Variants in PBX3 observed in about 807,000 individuals in gnomAD.
PBX3 encodes the protein PBX homeobox 3.
A neutral mutation model predicts 48.5 loss-of-function variants in PBX3; 14 were observed. The observed-to-expected ratio is 0.29, with a 90% confidence interval of 0.19 to 0.45. PBX3 has a LOEUF of 0.45. Ranked by LOEUF, PBX3 falls within the 20% of genes least tolerant of loss-of-function variation. PBX3 has a pLI of 1.00. For synonymous variants in PBX3, 210 were observed against 200.3 expected (o/e 1.05, Z -0.41); for missense variants, 386 against 546.7 (o/e 0.71, Z 2.93).
intron 2 of PBX3, among the ~76,000 whole-genome samples, chr9:125,858,940 C>G (rs1564142761): frequency 6.6e-6 from 1 of 152,018 alleles, no homozygotes; most frequent in Non-Finnish European, 1.5e-5. Flanking sequence ...TTGGCCCATT[C>G]TTTTAATTAT....
At chr9:125,910,685 A>G (rs566167054) in intron 2 of PBX3, among the ~76,000 whole-genome samples, 1 of 151,486 alleles carries the variant, frequency 6.6e-6, no homozygotes, top group East Asian at 1.9e-4. Context: ...TGGATTAGAC[A>G]CTAACATTGG....
chr9:125,768,655 CAT>C (rs1299899361), intron 2 of PBX3, among the ~76,000 whole-genome samples: 1 of 152,134 alleles, frequency 6.6e-6, no homozygotes, highest in African/African-American at 2.4e-5. Context: ...ACTGGATTCT[CAT>C]ATCTGCCTTT....
intron 2 of PBX3, among the ~76,000 whole-genome samples, chr9:125,777,169 G>A (rs1318279612): frequency 6.6e-6 from 1 of 151,842 alleles, no homozygotes; most frequent in East Asian, 1.9e-4. Context: ...GTGCCACCAT[G>A]CCTAGCTAAT....
At chr9:125,866,668 T>A (rs1304904447) in intron 2 of PBX3, among the ~76,000 whole-genome samples, 1 of 152,218 alleles carries the variant, frequency 6.6e-6, no homozygotes, top group Non-Finnish European at 1.5e-5. Context: ...TTTTTCAGCT[T>A]CTATATCTCG....
rs115223824 is a variant in PBX3, at chr9:125,808,897, T to G, written c.274+60274T>G. Reference sequence around the variant, plus strand: ...AGCCAACAGCACTGTAACTCATGTCTTAACGAAGTTTATCTAACACATATT... The same window carrying G: ...AGCCAACAGCACTGTAACTCATGTCGTAACGAAGTTTATCTAACACATATT... On this transcript the variant is annotated intron_variant, in intron 2 of 8. Coordinates refer to ENST00000373489, the MANE Select transcript of PBX3 (RefSeq NM_006195.6). Among the ~76,000 whole-genome samples the G allele has an allele frequency of 3.9e-3, 593 of 152,330 alleles. 5 individuals are homozygous for G. The highest frequency in any genetic ancestry group is 0.013 in the African/African-American group (556 of 41,568).
At chr9:125,802,359 ATTTTTTTTTT>A (rs57805307) in intron 2 of PBX3, among the ~76,000 whole-genome samples, 15 of 67,762 alleles carry the variant, frequency 2.2e-4, no homozygotes, top group East Asian at 4.2e-4. Context: ...ACATTAGTGC[ATTTTTTTTTT>A]TTTTTTTTTT....
chr9:125,777,178 A>T (rs906093183), intron 2 of PBX3, among the ~76,000 whole-genome samples: 1 of 150,334 alleles, frequency 6.7e-6, no homozygotes, highest in South Asian at 2.1e-4. Context: ...TGCCTAGCTA[A>T]TTTTTTTGTA....
intron 2 of PBX3, among the ~76,000 whole-genome samples, chr9:125,857,970 C>A (rs1041540211): frequency 6.6e-6 from 1 of 152,114 alleles, no homozygotes; most frequent in Non-Finnish European, 1.5e-5. Flanking sequence ...GTAAGGCTGC[C>A]CTTAGCTTGT....
At chr9:125,943,164 C>G (rs552182913) in intron 5 of PBX3, among the ~76,000 whole-genome samples, 2 of 151,688 alleles carry the variant, frequency 1.3e-5, no homozygotes, top group African/African-American at 2.4e-5. Flanking sequence ...CTCAGGAGTT[C>G]AAGACCACCT....
chr9:125,966,493 A>G lies in PBX3; in HGVS notation c.*570A>G, dbSNP rs544015901. 1 of 152,790 alleles carries G rather than the reference A, an allele frequency of 6.5e-6. No individual in the cohort carries two copies. Among genetic ancestry groups the G allele is most frequent in the South Asian group, 2.1e-4 (1 of 4,824 alleles). The allele number at this position is 152,790 out of a possible 1,614,324, so 9.5% of individuals were successfully genotyped here. ...TATAATTAGATCAGAGACTGGTAGC[A>G]TCGTTTCTCTCTCTGAAAGCACCAG... is the stretch of plus-strand genomic sequence containing the variant. On this transcript the variant is annotated 3_prime_UTR_variant, in exon 9 of 9. Coordinates refer to ENST00000373489, the MANE Select transcript of PBX3 (RefSeq NM_006195.6).
intron 2 of PBX3, among the ~76,000 whole-genome samples, chr9:125,771,545 G>C (rs1200119620): frequency 6.6e-6 from 1 of 152,072 alleles, no homozygotes; most frequent in African/African-American, 2.4e-5. Context: ...AAATAATAGA[G>C]GAACAAGAAG....
intron 5 of PBX3, among the ~76,000 whole-genome samples, chr9:125,937,284 T>TC (rs1841858565): frequency 6.6e-6 from 1 of 152,188 alleles, no homozygotes; most frequent in Non-Finnish European, 1.5e-5. Context: ...TAAAAAGGTT[T>TC]CCTTCTGGCT....
At chr9:125,887,434 G>C (rs1397311648) in intron 2 of PBX3, among the ~76,000 whole-genome samples, 2 of 152,152 alleles carry the variant, frequency 1.3e-5, no homozygotes, top group Admixed American at 6.5e-5. Flanking sequence ...AATTGTGGTT[G>C]CCAATTTAAA....
At chr9:125,806,383 A>G (rs1461994925) in intron 2 of PBX3, among the ~76,000 whole-genome samples, 1 of 152,162 alleles carries the variant, frequency 6.6e-6, no homozygotes, top group Non-Finnish European at 1.5e-5. Context: ...TATAAAGAGT[A>G]AATTTCTTTT....
chr9:125,813,363 T>C (rs1180308863), intron 2 of PBX3, among the ~76,000 whole-genome samples: 2 of 152,232 alleles, frequency 1.3e-5, no homozygotes, highest in African/African-American at 4.8e-5. Context: ...CAGTAGGTGA[T>C]AGGAATTTTT....
intron 2 of PBX3, among the ~76,000 whole-genome samples, chr9:125,909,197 T>C (rs1794121803): frequency 6.6e-6 from 1 of 152,188 alleles, no homozygotes; most frequent in African/African-American, 2.4e-5. Flanking sequence ...TCACTCCTTT[T>C]TCTTGTCTCT....
chr9:125,925,633 G>A (rs1463380219), intron 3 of PBX3, among the ~76,000 whole-genome samples: 3 of 151,784 alleles, frequency 2.0e-5, no homozygotes, highest in South Asian at 2.1e-4. Flanking sequence ...TTATATTTTT[G>A]GTAGAGACGG....
chr9:125,919,928 C>A (rs1841421554), intron 3 of PBX3, among the ~76,000 whole-genome samples: 1 of 152,138 alleles, frequency 6.6e-6, no homozygotes, highest in African/African-American at 2.4e-5. Context: ...TCTTTAAAAT[C>A]CTGTCTTTTT....
At chr9:125,891,153 T>G (rs1840632352) in intron 2 of PBX3, among the ~76,000 whole-genome samples, 1 of 152,268 alleles carries the variant, frequency 6.6e-6, no homozygotes, top group South Asian at 2.1e-4. Flanking sequence ...TTCTGACGTT[T>G]GTACTATGCA....
Sources: allele counts gnomAD v4.1 joint callset (sites outside exome capture counted in the v4.1 genomes callset), GRCh38; gene constraint gnomAD v4.1.1; transcripts MANE v1.5; gene names NCBI Gene and HGNC (gene_info 2026-07-23, HGNC 2026-07-21).